C11orf65: variants seen among roughly 807,000 people sequenced by gnomAD.
The protein encoded by C11orf65 is protein MFI.
Under a neutral mutation model 35.3 loss-of-function variants are expected in C11orf65, and 38 were observed. That is an observed-to-expected ratio of 1.08 (90% CI 0.83 to 1.41). The LOEUF is 1.41. Among genes scored for constraint, C11orf65 ranks in the 40% most tolerant of loss-of-function variants. The probability of loss-of-function intolerance (pLI) is 0.00; values close to 1 mark genes in which losing one functional copy is unlikely to be tolerated. For synonymous variants in C11orf65, 105 were observed against 114.4 expected (o/e 0.92, Z 0.53); for missense variants, 370 against 367.1 (o/e 1.01, Z -0.06).
intron 2 of C11orf65, chr11:108,368,936 C>T (rs182082753): frequency 1.0e-5 from 2 of 192,400 alleles, no homozygotes; most frequent in East Asian, 1.7e-4. Flanking sequence ...AAAAGAAAGC[C>T]AGTATATTGG....
At chr11:108,408,878 A>G (rs2092605626) in intron 3 of C11orf65, among the ~76,000 whole-genome samples, 1 of 151,998 alleles carries the variant, frequency 6.6e-6, no homozygotes, top group Admixed American at 6.6e-5. Flanking sequence ...ATCAGAAAAT[A>G]GATGTTATTC....
rs564941017 is a variant in C11orf65 at position 108,417,951 on chromosome 11, A to G, written c.175-10802T>C. 6.2e-4 allele frequency among the ~76,000 whole-genome samples: 58 copies of G among 92,834 alleles called. No homozygotes were observed. The South Asian group carries it at 0.027, about 44-fold the overall frequency. The allele number at this position is 92,834 out of a possible 152,430, so 60.9% of individuals were successfully genotyped here. On this transcript the variant is annotated intron_variant, in intron 3 of 8. Coordinates refer to ENST00000393084, the MANE Select transcript of C11orf65 (RefSeq NM_152587.5). ...AGGAAACACAATATTACTGACAGTA[A>G]AACTTTCTGATTTGTTAAAAAAAAA...
At chr11:108,310,089 A>G (rs3218701) in intron 6 of C11orf65, 7 of 1,513,340 alleles carry the variant, frequency 4.6e-6, no homozygotes, top group South Asian at 4.6e-5. Flanking sequence ...ATTGTATTCT[A>G]TATCAACATG....
chr11:108,461,107 A>G (rs557102717), intron 2 of C11orf65, among the ~76,000 whole-genome samples: 1 of 152,300 alleles, frequency 6.6e-6, no homozygotes, highest in African/African-American at 2.4e-5. Context: ...CTTTATATAA[A>G]AAGTATTGAA....
intron 1 of C11orf65, among the ~76,000 whole-genome samples, chr11:108,465,487 A>G (rs1452208643): frequency 6.6e-6 from 1 of 152,166 alleles, no homozygotes; most frequent in Non-Finnish European, 1.5e-5. Context: ...AATACAGAGG[A>G]AAAAAAGGGA....
At chr11:108,354,441 G>A (rs1020305190) in intron 2 of C11orf65, among the ~76,000 whole-genome samples, 2 of 152,190 alleles carry the variant, frequency 1.3e-5, no homozygotes, top group African/African-American at 4.8e-5. Flanking sequence ...AAGCTTTGCA[G>A]TTCCTTGTAG....
downstream of C11orf65, among the ~76,000 whole-genome samples, chr11:108,382,388 G>A (rs1045958329): frequency 6.6e-6 from 1 of 151,798 alleles, no homozygotes; most frequent in Admixed American, 6.6e-5. Flanking sequence ...GAATGATCTA[G>A]GAAGGAAAAT....
intron 6 of C11orf65, among the ~76,000 whole-genome samples, chr11:108,399,524 T>C (rs1449302745): frequency 6.6e-6 from 1 of 152,188 alleles, no homozygotes. Flanking sequence ...TGATGCAGCA[T>C]CCTGTATAGA....
chr11:108,310,058 TTC>T, intron 6 of C11orf65: 1 of 1,264,064 alleles, frequency 7.9e-7, no homozygotes, highest in Non-Finnish European at 1.1e-6. Context: ...ATTTGTAATT[TTC>T]TGTTAAGCAG....
intron 2 of C11orf65, among the ~76,000 whole-genome samples, chr11:108,359,660 C>A (rs1290043619): frequency 1.3e-5 from 2 of 152,188 alleles, no homozygotes; most frequent in African/African-American, 4.8e-5. Flanking sequence ...AACCGCTCAA[C>A]TACATGGAAA....
downstream of C11orf65, among the ~76,000 whole-genome samples, chr11:108,382,209 A>G (rs974458372): frequency 8.5e-5 from 13 of 152,202 alleles, no homozygotes; most frequent in Admixed American, 5.9e-4. Flanking sequence ...ACTGAATGAG[A>G]TAATAACTGT....
intron 3 of C11orf65, among the ~76,000 whole-genome samples, chr11:108,423,393 G>C (rs527634852): frequency 6.6e-6 from 1 of 152,124 alleles, no homozygotes; most frequent in Non-Finnish European, 1.5e-5. Flanking sequence ...GGAGTTTGGT[G>C]GGGGGAGGGA....
At chr11:108,391,386 TTTTC>T (rs993387459) in intron 7 of C11orf65, among the ~76,000 whole-genome samples, 3 of 152,202 alleles carry the variant, frequency 2.0e-5, no homozygotes, top group Admixed American at 2.0e-4. Flanking sequence ...ATGAATTTTC[TTTTC>T]TTTTTTTTGA....
At chr11:108,327,903 C>G, downstream of C11orf65, 1 of 745,694 alleles carries the variant, frequency 1.3e-6, no homozygotes, top group Non-Finnish European at 2.2e-6. Flanking sequence ...TGTATAGTCT[C>G]TAGGGTGGAG....
At chr11:108,379,880 T>C (rs1419480403), downstream of C11orf65, among the ~76,000 whole-genome samples, 1 of 152,068 alleles carries the variant, frequency 6.6e-6, no homozygotes, top group Non-Finnish European at 1.5e-5. Context: ...ATATAATTTC[T>C]CAAAAAGGGG....
chr11:108,396,624 G>C (rs953349422), intron 6 of C11orf65, among the ~76,000 whole-genome samples: 1 of 151,468 alleles, frequency 6.6e-6, no homozygotes, highest in Non-Finnish European at 1.5e-5. Flanking sequence ...GAGGTCAGGA[G>C]ATTGAGACCA....
chr11:108,448,840 A>C (rs2093305617), intron 2 of C11orf65, among the ~76,000 whole-genome samples: 1 of 152,204 alleles, frequency 6.6e-6, no homozygotes, highest in Non-Finnish European at 1.5e-5. Context: ...GAGGAAGTCA[A>C]ATTGTCCCTG....
At chr11:108,436,332 A>G (rs963908834) in intron 2 of C11orf65, among the ~76,000 whole-genome samples, 2 of 150,840 alleles carry the variant, frequency 1.3e-5, no homozygotes, top group Non-Finnish European at 2.9e-5. Context: ...ACTTTGTGGC[A>G]ATTTTTACAG....
Position 108,310,214 on chromosome 11 carries a change from A to G in C11orf65, c.641-1143T>C, listed in dbSNP as rs749652134. 5.6e-6 allele frequency: 9 copies of G among 1,613,690 alleles called. 1 individual carries two copies. In the South Asian group the frequency reaches 9.9e-5, roughly 18 times the overall value. ...CTTTCTGGCTGGATTTAAATTATCT[A>G]GAAGTTGCCAAGGTAGCTCAGTCTT... On this transcript the variant is annotated intron_variant, in intron 6 of 6. Coordinates refer to the C11orf65 transcript ENST00000525729.
Sources: gnomAD v4.1 joint callset for allele counts (sites outside exome capture counted in the v4.1 genomes callset) on GRCh38, gnomAD v4.1.1 for gene constraint, MANE v1.5 for transcripts, NCBI Gene and HGNC (gene_info 2026-07-23, HGNC 2026-07-21) for gene names.